Variants in SLC9A9 observed in about 807,000 individuals in gnomAD.
SLC9A9 encodes the protein sodium/hydrogen exchanger 9.
SLC9A9 carries 62 observed loss-of-function variants against 77.8 expected under a neutral mutation model. That is an observed-to-expected ratio of 0.80 (90% CI 0.65 to 0.98). The LOEUF is 0.98. Ranked by LOEUF, SLC9A9 falls within the 50% of genes least tolerant of loss-of-function variation. The pLI, the probability that SLC9A9 is intolerant of heterozygous loss-of-function variation, is 0.00. For synonymous variants in SLC9A9, 320 were observed against 283.5 expected, an observed-to-expected ratio of 1.13 and a Z score of -1.29; for missense variants, 775 against 774.9, an observed-to-expected ratio of 1.00 and a Z score of 0.00.
intron 12 of SLC9A9, among the ~76,000 whole-genome samples, chr3:143,412,221 A>G (rs944538591): frequency 2.0e-5 from 3 of 152,042 alleles, no homozygotes; most frequent in Admixed American, 2.0e-4. Flanking sequence ...ATGGAACCAG[A>G]AGTCCTGAAC....
intron 4 of SLC9A9, among the ~76,000 whole-genome samples, chr3:143,788,561 A>T (rs2008123487): frequency 6.6e-6 from 1 of 151,902 alleles, no homozygotes; most frequent in Non-Finnish European, 1.5e-5. Flanking sequence ...GTAGTGGTAC[A>T]TGCCTGTAAA....
intron 4 of SLC9A9, among the ~76,000 whole-genome samples, chr3:143,782,229 G>A (rs765459051): frequency 3.9e-5 from 6 of 152,182 alleles, no homozygotes; most frequent in Non-Finnish European, 5.9e-5. Context: ...AAATTATCTT[G>A]ATTCCTATAG....
At chr3:143,591,161 G>C (rs1429428575) in intron 6 of SLC9A9, among the ~76,000 whole-genome samples, 1 of 152,122 alleles carries the variant, frequency 6.6e-6, no homozygotes, top group African/African-American at 2.4e-5. Context: ...CATTCCCCCA[G>C]ACCCTTCCCT....
At chr3:143,831,392 G>A (rs185555827) in intron 2 of SLC9A9, among the ~76,000 whole-genome samples, 3 of 152,294 alleles carry the variant, frequency 2.0e-5, no homozygotes, top group Admixed American at 6.5e-5. Context: ...AGTAACTGAA[G>A]CCGTTCACAA....
intron 2 of SLC9A9, among the ~76,000 whole-genome samples, chr3:143,799,597 G>A (rs563702078): frequency 2.7e-3 from 416 of 152,256 alleles, no homozygotes; most frequent in African/African-American, 9.6e-3. Flanking sequence ...AGGAATGCCC[G>A]CAGACCAGGA....
At chr3:143,774,796 C>G (rs2007637854) in intron 4 of SLC9A9, among the ~76,000 whole-genome samples, 4 of 152,154 alleles carry the variant, frequency 2.6e-5, no homozygotes, top group Admixed American at 6.5e-5. Flanking sequence ...GGCACTATCT[C>G]TACAAGCCCA....
intron 4 of SLC9A9, among the ~76,000 whole-genome samples, chr3:143,762,506 C>G (rs2007166513): frequency 6.6e-6 from 1 of 152,134 alleles, no homozygotes; most frequent in Admixed American, 6.6e-5. Context: ...AGATTAACTT[C>G]TATATTCCCA....
intron 14 of SLC9A9, among the ~76,000 whole-genome samples, chr3:143,340,886 A>G (rs1359697240): frequency 2.0e-5 from 3 of 152,210 alleles, no homozygotes; most frequent in Non-Finnish European, 2.9e-5. Flanking sequence ...TTGGAAATCT[A>G]TTGAAATTTG....
intron 9 of SLC9A9, among the ~76,000 whole-genome samples, chr3:143,520,433 C>A (rs1323412615): frequency 6.6e-6 from 1 of 152,178 alleles, no homozygotes; most frequent in Non-Finnish European, 1.5e-5. Context: ...TCTACCAGCA[C>A]TTGGATCTTG....
intron 14 of SLC9A9, among the ~76,000 whole-genome samples, chr3:143,330,690 TAAC>T (rs2031741235): frequency 6.6e-6 from 1 of 152,232 alleles, no homozygotes; most frequent in African/African-American, 2.4e-5. Context: ...AACTGTGTTA[TAAC>T]AAATGTCAAT....
chr3:143,367,872 G>A (rs947632112), intron 13 of SLC9A9, among the ~76,000 whole-genome samples: 2 of 152,152 alleles, frequency 1.3e-5, no homozygotes, highest in African/African-American at 4.8e-5. Context: ...TGGTGTGCAT[G>A]TTAGAACAAG....
chr3:143,444,426 C>T (rs2034806122), intron 12 of SLC9A9, among the ~76,000 whole-genome samples: 1 of 152,214 alleles, frequency 6.6e-6, no homozygotes, highest in Admixed American at 6.5e-5. Flanking sequence ...AATGGCACAG[C>T]AGCCTAGGCC....
chr3:143,471,780 T>C (rs2035382205), intron 11 of SLC9A9, among the ~76,000 whole-genome samples: 1 of 152,210 alleles, frequency 6.6e-6, no homozygotes, highest in Non-Finnish European at 1.5e-5. Flanking sequence ...ATATGCCCAG[T>C]TGGAAATTTA....
chr3:143,320,688 C>T (rs1213983746), intron 14 of SLC9A9, among the ~76,000 whole-genome samples: 8 of 152,228 alleles, frequency 5.3e-5, no homozygotes, highest in Admixed American at 5.2e-4. Context: ...CCATCAGGCC[C>T]CACTTCCAAC....
chr3:143,480,287 C>T (rs1237013676), intron 11 of SLC9A9, among the ~76,000 whole-genome samples: 1 of 152,208 alleles, frequency 6.6e-6, no homozygotes. Flanking sequence ...AATGCTTGGA[C>T]TTAATAATGG....
intron 13 of SLC9A9, among the ~76,000 whole-genome samples, chr3:143,378,879 A>T (rs2033239320): frequency 6.6e-6 from 1 of 152,200 alleles, no homozygotes; most frequent in Non-Finnish European, 1.5e-5. Flanking sequence ...ATAATTGTGT[A>T]ACACCATTCA....
At chr3:143,786,963 GA>G (rs1261214664) in intron 4 of SLC9A9, among the ~76,000 whole-genome samples, 1 of 152,152 alleles carries the variant, frequency 6.6e-6, no homozygotes, top group Non-Finnish European at 1.5e-5. Context: ...GGAGAGGGGA[GA>G]AACAAGAGAG....
intron 14 of SLC9A9, among the ~76,000 whole-genome samples, chr3:143,296,861 A>G (rs1216822407): frequency 6.6e-6 from 1 of 152,046 alleles, no homozygotes; most frequent in African/African-American, 2.4e-5. Flanking sequence ...TCCTTTGCCC[A>G]TTTTTAAATT....
At chr3:143,813,145 C>T (rs567062159) in intron 2 of SLC9A9, among the ~76,000 whole-genome samples, 2 of 152,010 alleles carry the variant, frequency 1.3e-5, no homozygotes, top group East Asian at 1.9e-4. Context: ...GTGACCACTG[C>T]TTAGAGCAGT....
Sources: gnomAD v4.1 joint callset for allele counts (sites outside exome capture counted in the v4.1 genomes callset) on GRCh38, gnomAD v4.1.1 for gene constraint, MANE v1.5 for transcripts, NCBI Gene and HGNC (gene_info 2026-07-23, HGNC 2026-07-21) for gene names.